HEXA: variants seen among roughly 807,000 people sequenced by gnomAD.
HEXA encodes beta-hexosaminidase subunit alpha.
Under a neutral mutation model 73.3 loss-of-function variants are expected in HEXA, and 54 were observed. That is an observed-to-expected ratio of 0.74 (90% CI 0.59 to 0.92). The LOEUF (loss-of-function observed/expected upper bound fraction) is 0.92. Among genes scored for constraint, HEXA ranks in the 40% least tolerant of loss-of-function variants. HEXA has a pLI of 0.00. For missense variants in HEXA, 649 were observed against 653.0 expected (o/e 0.99, Z 0.07); for synonymous variants, 230 against 246.9 (o/e 0.93, Z 0.64).
Position 72,343,789 on chromosome 15 carries a change from C to T in HEXA, c.*288G>A, listed in dbSNP as rs1423743046. ...TATAGGTTTCATTCCCAGCCCTCAA[C>T]TTAAAAGACCTCAGGGGCAGACACT... On this transcript the variant is annotated 3_prime_UTR_variant, in exon 14 of 14. Coordinates refer to ENST00000268097, the MANE Select transcript of HEXA (RefSeq NM_000520.6). The T allele has an allele frequency of 2.4e-6, 1 of 408,526 alleles. No homozygotes were observed. Among genetic ancestry groups the T allele is most frequent in the Non-Finnish European group, 4.6e-6 (1 of 215,654 alleles). The allele number at this position is 408,526 out of a possible 1,614,324, so 25.3% of individuals were successfully genotyped here. A position where few individuals can be genotyped will look rare whatever the true frequency, so the allele number is the denominator to read the frequency against.
intron 1 of HEXA, among the ~76,000 whole-genome samples, chr15:72,375,168 AACCTCC>A (rs1203917167): frequency 2.0e-5 from 3 of 151,524 alleles, no homozygotes; most frequent in African/African-American, 7.3e-5. Flanking sequence ...AGCTCACCAC[AACCTCC>A]ACCTCATGGG....
rs780193130 is a variant in HEXA, at chr15:72,346,215, TC to T, written c.1421+19del. On this transcript the variant is annotated intron_variant, in intron 12 of 13. Transcript: ENST00000268097. ...CTGCTCTCAGGCCCAACCCTCCACC[TC>T]CCCCCCGAAAACCCTTACCAGAGCC... 12 of 1,587,420 alleles carry T rather than the reference TC, an allele frequency of 7.6e-6. No homozygotes were observed. The highest frequency in any genetic ancestry group is 1.0e-5 in the Non-Finnish European group (12 of 1,157,102).
In HEXA at chr15:72,351,186, C is replaced by T; in HGVS notation, c.619G>A (p.Asp207Asn). The change falls in exon 6 of 14, where the codon GAT becomes AAT. Residue 207 changes from aspartate to asparagine, a missense_variant. Physicochemically the swap from Asp to Asn is conservative, Grantham distance 23. Transcript: ENST00000268097. ...CTCTCATATGGGAAGGAAGGATCATCTACCAGATGCCAGTGGAACACGTTC... is the reference window on the plus strand; with the variant it reads ...CTCTCATATGGGAAGGAAGGATCATTTACCAGATGCCAGTGGAACACGTTC... Reference protein sequence around the residue: ...KLNVFHWHLVDDPSFPYESFT... With the variant: ...KLNVFHWHLVNDPSFPYESFT... 6.2e-7 allele frequency: 1 copy of T among 1,613,464 alleles called. No individual in the cohort carries two copies.
rs576362077 is a variant in HEXA, at chr15:72,365,515, A to T, written c.254-8898T>A. Among the ~76,000 whole-genome samples, 11 of 152,230 alleles carry T rather than the reference A, an allele frequency of 7.2e-5. No individual in the cohort carries two copies. In the South Asian group the frequency reaches 1.5e-3, roughly 20 times the overall value. On this transcript the variant is annotated intron_variant, in intron 1 of 13. Coordinates refer to ENST00000268097, the MANE Select transcript of HEXA (RefSeq NM_000520.6). ...CTTTTGCTTTAATTTTTATGTAGTC[A>T]AAGCTATGACTCTTTTCCTTTACGG...
chr15:72,367,637 T>C (rs1361067906), intron 1 of HEXA, among the ~76,000 whole-genome samples: 1 of 152,196 alleles, frequency 6.6e-6, no homozygotes, highest in African/African-American at 2.4e-5. Context: ...TAAAGCTCCA[T>C]TCCTTACCAG....
intron 1 of HEXA, chr15:72,359,753 C>G (rs1401644748): frequency 2.1e-5 from 1 of 48,532 alleles, no homozygotes; most frequent in African/African-American, 7.1e-5. Context: ...AAAAATCAAA[C>G]AGTACTACCA....
intron 6 of HEXA, 80 bp downstream of exon 6, chr15:72,351,053 G>T: frequency 1.1e-6 from 1 of 918,518 alleles, no homozygotes; most frequent in South Asian, 1.3e-5. Flanking sequence ...TAGGATGAGA[G>T]ACCCTGTTCT....
At chr15:72,350,876 C>A (rs934205782) in intron 6 of HEXA, 5 of 624,788 alleles carry the variant, frequency 8.0e-6, no homozygotes, top group Admixed American at 7.9e-5. Context: ...GGTATTAATA[C>A]TATGTCCATT....
At chr15:72,375,370 C>T (rs1055595531) in intron 1 of HEXA, among the ~76,000 whole-genome samples, 1 of 152,128 alleles carries the variant, frequency 6.6e-6, no homozygotes, top group Non-Finnish European at 1.5e-5. Flanking sequence ...TTGTATGTAA[C>T]TTTGCATAGT....
At chr15:72,350,872 A>T in intron 6 of HEXA, 1 of 626,754 alleles carries the variant, frequency 1.6e-6, no homozygotes, top group East Asian at 2.7e-5. Context: ...GGTAGGTATT[A>T]ATACTATGTC....
chr15:72,360,438 G>A (rs6495002), intron 1 of HEXA: 123,742 of 152,178 alleles, frequency 0.81, 56,037 homozygotes, highest in East Asian at 1. Flanking sequence ...CCCTCTCCTC[G>A]CTGACAAAAA....
At chr15:72,366,662 AGGCT>A (rs1057440283) in intron 1 of HEXA, among the ~76,000 whole-genome samples, 66 of 151,916 alleles carry the variant, frequency 4.3e-4, no homozygotes, top group African/African-American at 1.6e-3. Flanking sequence ...CTCCACCTCA[AGGCT>A]GGCTATTATC....
intron 9 of HEXA, 39 bp from the exon 10 acceptor site, chr15:72,347,797 C>G (rs1205204496): frequency 6.3e-7 from 1 of 1,579,884 alleles, no homozygotes; most frequent in Non-Finnish European, 8.7e-7. Flanking sequence ...GTCTGCTTAG[C>G]TCAGATGGGT....
chr15:72,356,524 C>T lies in HEXA; in HGVS notation c.346+1G>A, dbSNP rs797044432. 1 of 1,614,024 alleles carries T rather than the reference C, an allele frequency of 6.2e-7. No homozygotes were observed. The highest frequency in any genetic ancestry group is 1.1e-5 in the South Asian group (1 of 91,074). On this transcript the variant is annotated splice_donor_variant, in intron 2 of 13. Transcript: ENST00000268097. LOFTEE classifies it high-confidence loss of function. ...AAGACAGGGAACAGGATGGTACTTA[C>T]AATTCTCCACTGACTCCAAAGTAGG...
intron 4 of HEXA, 23 bp downstream of exon 4, chr15:72,353,668 C>T (rs2088732388): frequency 1.3e-6 from 2 of 1,593,026 alleles, no homozygotes; most frequent in Non-Finnish European, 1.7e-6. Flanking sequence ...AAAAAGGAGC[C>T]CTTTTTGAGG....
At chr15:72,352,736 C>T (rs1411226279) in intron 5 of HEXA, among the ~76,000 whole-genome samples, 1 of 151,912 alleles carries the variant, frequency 6.6e-6, no homozygotes, top group African/African-American at 2.4e-5. Context: ...TGATCTCCAC[C>T]CACTGCAACC....
At chr15:72,374,491 A>G (rs2089032961) in intron 1 of HEXA, among the ~76,000 whole-genome samples, 1 of 152,260 alleles carries the variant, frequency 6.6e-6, no homozygotes. Flanking sequence ...TTAATTCTAT[A>G]TATCAAATGA....
chr15:72,353,555 T>A (rs2088731082), intron 4 of HEXA, 136 bp downstream of exon 4: 2 of 735,072 alleles, frequency 2.7e-6, no homozygotes, highest in African/African-American at 1.7e-5. Context: ...TCCACTCACA[T>A]CTCCTCTTCC....
chr15:72,343,193 C>G lies in HEXA; in HGVS notation c.*884G>C, dbSNP rs1398758364. On this transcript the variant is annotated 3_prime_UTR_variant, in exon 14 of 14. Transcript: ENST00000268097. ...TCGAGATCGTGCCACTGCACTCCAG[C>G]CTGTGTGACAGTGAGACTCCGTCTC... 6.6e-6 allele frequency: 1 copy of G among 152,030 alleles called. No individual in the cohort carries two copies. The highest frequency in any genetic ancestry group is 1.9e-4 in the East Asian group (1 of 5,164). 9.4% of individuals were successfully genotyped at this position (152,030 alleles called of 1,614,324 possible).
Sources: allele counts gnomAD v4.1 joint callset (sites outside exome capture counted in the v4.1 genomes callset), GRCh38; gene constraint gnomAD v4.1.1; transcripts MANE v1.5; gene names NCBI Gene and HGNC (gene_info 2026-07-23, HGNC 2026-07-21).